CELF2: variants seen among roughly 807,000 people sequenced by gnomAD.
CELF2 encodes CUGBP Elav-like family member 2.
In CELF2, 8 loss-of-function variants were observed where a neutral mutation model predicts 62.6. The observed-to-expected ratio is 0.13, with a 90% CI of 0.07 to 0.23. The LOEUF (loss-of-function observed/expected upper bound fraction) is 0.23. Ranked by LOEUF, CELF2 falls within the 10% of genes least tolerant of loss-of-function variation. The probability of loss-of-function intolerance (pLI) is 1.00; values close to 1 mark genes in which losing one functional copy is unlikely to be tolerated. For missense variants in CELF2, 333 were observed against 671.0 expected, an observed-to-expected ratio of 0.50 and a Z score of 5.56; for synonymous variants, 258 against 250.0, an observed-to-expected ratio of 1.03 and a Z score of -0.30.
chr10:11,234,679 CA>C (rs11387214), intron 3 of CELF2, among the ~76,000 whole-genome samples: 48 of 83,252 alleles, frequency 5.8e-4, no homozygotes, highest in African/African-American at 1.3e-3. Flanking sequence ...GACTCCATCT[CA>C]AAAAAAAAAA....
At chr10:11,120,966 A>G (rs955624809) in intron 1 of CELF2, among the ~76,000 whole-genome samples, 1 of 152,188 alleles carries the variant, frequency 6.6e-6, no homozygotes, top group African/African-American at 2.4e-5. Context: ...CCATTTGCAG[A>G]CGTGCCAAGA....
At chr10:11,051,767 GA>G (rs796203436) in intron 1 of CELF2, among the ~76,000 whole-genome samples, 9 of 152,286 alleles carry the variant, frequency 5.9e-5, no homozygotes, top group African/African-American at 2.2e-4. Flanking sequence ...CACTGAAGAT[GA>G]AACGTTTGAG....
intron 2 of CELF2, among the ~76,000 whole-genome samples, chr10:11,186,436 T>C (rs1364671568): frequency 6.6e-6 from 1 of 152,164 alleles, no homozygotes; most frequent in Non-Finnish European, 1.5e-5. Context: ...TGAAATCTTT[T>C]TTTCTCCAAA....
At chr10:10,550,538 A>G in the CELF2 span, among the ~76,000 whole-genome samples, 1 of 152,076 alleles carries the variant, frequency 6.6e-6, no homozygotes, top group Non-Finnish European at 1.5e-5. Flanking sequence ...TGTCTCCCAG[A>G]GCTGAGGTTT....
intron 3 of CELF2, among the ~76,000 whole-genome samples, chr10:11,232,663 A>C (rs762125449): frequency 6.6e-6 from 1 of 152,276 alleles, no homozygotes; most frequent in African/African-American, 2.4e-5. Context: ...ATGATGTTGC[A>C]TGGTACTGAT....
intron 1 of CELF2, among the ~76,000 whole-genome samples, chr10:10,832,622 A>G (rs1392926144): frequency 6.6e-6 from 1 of 152,220 alleles, no homozygotes; most frequent in African/African-American, 2.4e-5. Flanking sequence ...TCAATAAAAC[A>G]TTGATGATCA....
rs577765648 is a variant in CELF2 at position 10,921,565 on chromosome 10, G to A, written c.89+1566G>A. On this transcript the variant is annotated intron_variant, in intron 2 of 13. Transcript: ENST00000636488. ...TTACAGGTGTGAGCCACCGTGCCTG[G>A]CCATGTCAGATGTTTCCAAAAGAGA... 3.3e-5 allele frequency among the ~76,000 whole-genome samples: 5 copies of A among 152,326 alleles called. No homozygotes were observed. The East Asian group carries it at 9.6e-4, about 29-fold the overall frequency.
chr10:11,047,562 T>C (rs1025215451), intron 1 of CELF2, among the ~76,000 whole-genome samples: 8 of 152,202 alleles, frequency 5.3e-5, no homozygotes, highest in Non-Finnish European at 8.8e-5. Flanking sequence ...TGAAAATCCC[T>C]ACGTTATAGC....
chr10:11,005,257 A>AGAGAGAGAGAGAGAGAGAGG, upstream of CELF2: 1 of 350,272 alleles, frequency 2.9e-6, no homozygotes, highest in Non-Finnish European at 3.9e-6. This position sits in a 1 kb window ranked among gnomAD's most constrained non-coding sequence, Gnocchi z 4.3. Context: ...AGAGAGAGGG[A>AGAGAGAGAGAGAGAGAGAGG]GAGAGAGAGA....
intron 1 of CELF2, among the ~76,000 whole-genome samples, chr10:11,059,490 C>T (rs755411664): frequency 6.6e-6 from 1 of 152,110 alleles, no homozygotes; most frequent in African/African-American, 2.4e-5. Flanking sequence ...TTACCTAGCA[C>T]GGTCTTTTTA....
chr10:10,525,941 C>T, the CELF2 span, among the ~76,000 whole-genome samples: 1 of 152,182 alleles, frequency 6.6e-6, no homozygotes, highest in Non-Finnish European at 1.5e-5. Context: ...ACATCCCCAC[C>T]AACCATATAC....
At chr10:11,292,586 T>G (rs2139816171) in intron 9 of CELF2, among the ~76,000 whole-genome samples, 1 of 152,308 alleles carries the variant, frequency 6.6e-6, no homozygotes. Flanking sequence ...AGTTGGGGCC[T>G]GCACTGCCCC....
At chr10:10,684,518 G>A in the CELF2 span, among the ~76,000 whole-genome samples, 224 of 152,092 alleles carry the variant, frequency 1.5e-3, no homozygotes, top group African/African-American at 5.3e-3. Flanking sequence ...CAAGGCGGGT[G>A]GATAGCTTAA....
rs1051937897 is a variant in CELF2 at position 11,266,534 on chromosome 10, C to T, written c.539-64C>T. 7.9e-6 allele frequency: 10 copies of T among 1,261,872 alleles called. No individual in the cohort carries two copies. The Admixed American group carries it at 8.5e-5, about 11-fold the overall frequency. The allele number at this position is 1,261,872 out of a possible 1,614,324, so 78.2% of individuals were successfully genotyped here. A position where few individuals can be genotyped will look rare whatever the true frequency, so the allele number is the denominator to read the frequency against. ...TCGTAGACTGTGTTGGTTTAACAAG[C>T]GTCCAACCCTTTTGTCTTGTTGTTT... On this transcript the variant is annotated intron_variant, in intron 5 of 12. Coordinates refer to ENST00000633077, the MANE Select transcript of CELF2 (RefSeq NM_001326342.2).
At chr10:10,529,699 A>G in the CELF2 span, among the ~76,000 whole-genome samples, 3 of 151,694 alleles carry the variant, frequency 2.0e-5, no homozygotes, top group Admixed American at 6.6e-5. Flanking sequence ...AAAAAAAAAA[A>G]AAAAAAAAAA....
chr10:10,870,146 G>T (rs564525412), intron 1 of CELF2, among the ~76,000 whole-genome samples: 1 of 151,994 alleles, frequency 6.6e-6, no homozygotes, highest in Non-Finnish European at 1.5e-5. Flanking sequence ...GAATTCTTAA[G>T]AAAAATCAGG....
At chr10:11,184,949 A>G (rs1239415605) in intron 2 of CELF2, among the ~76,000 whole-genome samples, 6 of 152,200 alleles carry the variant, frequency 3.9e-5, no homozygotes, top group Non-Finnish European at 7.3e-5. Flanking sequence ...CATTATTATC[A>G]TGTTCTTGAT....
chr10:10,918,573 A>C (rs966799719), intron 1 of CELF2, among the ~76,000 whole-genome samples: 1 of 152,190 alleles, frequency 6.6e-6, no homozygotes, highest in African/African-American at 2.4e-5. Context: ...AGGAAGAGGG[A>C]GTTCTAATAG....
At chr10:10,694,565 C>G in the CELF2 span, among the ~76,000 whole-genome samples, 1 of 152,000 alleles carries the variant, frequency 6.6e-6, no homozygotes, top group South Asian at 2.1e-4. Flanking sequence ...CCTGGGTATC[C>G]TTGCTGACTT....
Sources: gnomAD v4.1 joint callset for allele counts (sites outside exome capture counted in the v4.1 genomes callset) on GRCh38, gnomAD v4.1.1 for gene constraint, Gnocchi (gnomAD v3.1) non-coding constraint, MANE v1.5 for transcripts, NCBI Gene and HGNC (gene_info 2026-07-23, HGNC 2026-07-21) for gene names.